Variants in MBOAT4 observed in about 807,000 individuals in gnomAD.
The protein encoded by MBOAT4 is membrane-bound ghrelin O-acyltransferase MBOAT4.
Under a neutral mutation model 13.2 loss-of-function variants are expected in MBOAT4, and 11 were observed. The ratio of observed to expected loss-of-function variants is 0.84; its 90% CI spans 0.53 to 1.38. MBOAT4 has a LOEUF of 1.38. Ranked by LOEUF, MBOAT4 falls within the 40% of genes most tolerant of loss-of-function variation. The pLI is 0.00. For missense variants in MBOAT4, 481 were observed against 527.2 expected (o/e 0.91, Z 0.86); for synonymous variants, 202 against 210.3 (o/e 0.96, Z 0.34).
At position 30,131,800 on chromosome 8, in the gene MBOAT4, ACTG is replaced by A; in HGVS notation, c.*140_*142del. On this transcript the variant is annotated 3_prime_UTR_variant, in exon 3 of 3. Transcript: ENST00000320542. ...TGCTAAAGTAGATACACAAATTCCT[ACTG>A]CAAGTCACTGGGTATATCCATCCAA... is the stretch of plus-strand genomic sequence containing the variant. The A allele has an allele frequency of 1.1e-6, 1 of 924,900 alleles. No homozygotes were observed. Among genetic ancestry groups the A allele is most frequent in the South Asian group, 1.8e-5 (1 of 54,488 alleles). The allele number at this position is 924,900 out of a possible 1,614,324, so 57.3% of individuals were successfully genotyped here. A position where few individuals can be genotyped will look rare whatever the true frequency, so the allele number is the denominator to read the frequency against.
intron 2 of MBOAT4, among the ~76,000 whole-genome samples, chr8:30,135,536 T>C (rs1174371381): frequency 2.0e-5 from 3 of 152,130 alleles, no homozygotes; most frequent in Non-Finnish European, 4.4e-5. Flanking sequence ...CAATTTGAAA[T>C]ATGGCCTTAA....
chr8:30,143,457 G>C (rs912221253), intron 1 of MBOAT4, among the ~76,000 whole-genome samples: 5 of 151,560 alleles, frequency 3.3e-5, no homozygotes, highest in African/African-American at 1.2e-4. Context: ...AGAAAATCAT[G>C]TAGCCATGTT....
At chr8:30,136,726 C>G (rs1376055750) in intron 2 of MBOAT4, among the ~76,000 whole-genome samples, 3 of 147,696 alleles carry the variant, frequency 2.0e-5, no homozygotes, top group African/African-American at 5.3e-5. Flanking sequence ...TCTCTCCCCC[C>G]GAACTTTTTT....
intron 1 of MBOAT4, among the ~76,000 whole-genome samples, chr8:30,141,003 AATTTTTTTAAT>A (rs1803252257): frequency 6.6e-6 from 1 of 151,906 alleles, no homozygotes; most frequent in African/African-American, 2.4e-5. Flanking sequence ...ATACCTGGCT[AATTTTTTTAAT>A]ATTTTTTGTA....
At position 30,137,531 on chromosome 8, in the gene MBOAT4, C is replaced by T. The variant is rs1233210125; in HGVS notation, c.344+1001G>A. On this transcript the variant is annotated intron_variant, in intron 2 of 2. Coordinates refer to ENST00000320542, the MANE Select transcript of MBOAT4 (RefSeq NM_001100916.2). ...CTACTGCTCAGTGCCAGACACTGCA[C>T]CATGTAGGCAACACGTGGCAGTGAT... is the stretch of plus-strand genomic sequence containing the variant. 2.1e-6 allele frequency: 3 copies of T among 1,452,136 alleles called. No homozygotes were observed. In the Admixed American group the frequency reaches 6.0e-5, roughly 29 times the overall value. The allele number at this position is 1,452,136 out of a possible 1,614,324, so 90.0% of individuals were successfully genotyped here. A position where few individuals can be genotyped will look rare whatever the true frequency, so the allele number is the denominator to read the frequency against.
intron 2 of MBOAT4, chr8:30,137,275 G>C (rs1241089093): frequency 1.3e-6 from 2 of 1,551,226 alleles, no homozygotes; most frequent in South Asian, 2.4e-5. Context: ...TTTCTAGATG[G>C]GGCGCCTACC....
chr8:30,137,295 C>G (rs1803169165), intron 2 of MBOAT4: 1 of 1,551,602 alleles, frequency 6.4e-7, no homozygotes, highest in East Asian at 2.4e-5. Context: ...CCTTCTTCAG[C>G]AAGATGGGAA....
intron 2 of MBOAT4, among the ~76,000 whole-genome samples, chr8:30,133,134 C>G (rs1387082793): frequency 6.6e-6 from 1 of 152,082 alleles, no homozygotes; most frequent in Non-Finnish European, 1.5e-5. Flanking sequence ...CCAGGCTGAT[C>G]TGAAACTCCT....
intron 1 of MBOAT4, among the ~76,000 whole-genome samples, chr8:30,139,362 G>A (rs1288258062): frequency 6.6e-6 from 1 of 151,938 alleles, no homozygotes; most frequent in African/African-American, 2.4e-5. Flanking sequence ...GACCGTCCTG[G>A]AAGTCTGGCT....
chr8:30,143,726 GC>G (rs1803302442), intron 1 of MBOAT4, among the ~76,000 whole-genome samples: 1 of 151,930 alleles, frequency 6.6e-6, no homozygotes, highest in African/African-American at 2.4e-5. Context: ...TCATATAAAG[GC>G]ACTTTAAAAA....
Position 30,138,389 on chromosome 8 carries a change from A to C in MBOAT4, c.344+143T>G, listed in dbSNP as rs145134553. 2.5e-3 allele frequency: 1,534 copies of C among 613,262 alleles called. 20 individuals are homozygous for C. The African/African-American group carries it at 0.026, about 10-fold the overall frequency. The allele number at this position is 613,262 out of a possible 1,614,324, so 38.0% of individuals were successfully genotyped here. ...CCAGAAAAAGAAATGAGTCTGAAAG[A>C]GGTAAAATGACTTGCTCAAGGTCAC... On this transcript the variant is annotated intron_variant, in intron 2 of 2. Coordinates refer to ENST00000320542, the MANE Select transcript of MBOAT4 (RefSeq NM_001100916.2).
chr8:30,140,891 G>A (rs943212158), intron 1 of MBOAT4, among the ~76,000 whole-genome samples: 19 of 152,020 alleles, frequency 1.2e-4, no homozygotes, highest in African/African-American at 4.6e-4. Context: ...AGGCTGGAGT[G>A]CAGTGGCACG....
chr8:30,139,191 G>A (rs115180761), intron 1 of MBOAT4, among the ~76,000 whole-genome samples: 2,565 of 151,710 alleles, frequency 0.017, 87 homozygotes, highest in African/African-American at 0.059. Context: ...GGCCTCAAGC[G>A]ATCCTCCTCC....
Position 30,144,646 on chromosome 8 carries a change from T to G in MBOAT4, c.-45A>C, listed in dbSNP as rs1803320200. 7.9e-7 allele frequency: 1 copy of G among 1,273,674 alleles called. No individual in the cohort carries two copies. Among genetic ancestry groups the G allele is most frequent in the Admixed American group, 2.2e-5 (1 of 44,534 alleles). 78.9% of individuals were successfully genotyped at this position (1,273,674 alleles called of 1,614,324 possible). On this transcript the variant is annotated 5_prime_UTR_variant, in exon 1 of 3. Transcript: ENST00000320542. ...GCCTGTCTTTTCCAGTGTCCTTAAC[T>G]GATGCCTTCCTCCAAGAGTAATCTC...
At chr8:30,133,181 T>G in intron 2 of MBOAT4, among the ~76,000 whole-genome samples, 1 of 152,086 alleles carries the variant, frequency 6.6e-6, no homozygotes, top group East Asian at 1.9e-4. Flanking sequence ...CCTCCCAGAG[T>G]GCTGGGATTA....
At chr8:30,140,069 G>T (rs1352438850) in intron 1 of MBOAT4, among the ~76,000 whole-genome samples, 1 of 152,072 alleles carries the variant, frequency 6.6e-6, no homozygotes, top group Non-Finnish European at 1.5e-5. Context: ...ACAGAGTCTC[G>T]CTCTGTTGCC....
intron 2 of MBOAT4, among the ~76,000 whole-genome samples, chr8:30,134,158 C>T (rs1803088905): frequency 6.6e-6 from 1 of 152,066 alleles, no homozygotes; most frequent in Non-Finnish European, 1.5e-5. Flanking sequence ...GGTGTGGTGG[C>T]TCACGCCTGT....
At chr8:30,143,667 T>C (rs73240400) in intron 1 of MBOAT4, among the ~76,000 whole-genome samples, 3,417 of 152,308 alleles carry the variant, frequency 0.022, 45 homozygotes, top group Non-Finnish European at 0.033. Flanking sequence ...AATTATCATA[T>C]AGCTAATCTA....
At chr8:30,140,379 C>A (rs980751597) in intron 1 of MBOAT4, among the ~76,000 whole-genome samples, 1 of 152,070 alleles carries the variant, frequency 6.6e-6, no homozygotes, top group African/African-American at 2.4e-5. Context: ...TAAGCCATCG[C>A]GCCCGGCCAC....
Sources: allele counts gnomAD v4.1 joint callset (sites outside exome capture counted in the v4.1 genomes callset), GRCh38; gene constraint gnomAD v4.1.1; transcripts MANE v1.5; gene names NCBI Gene and HGNC (gene_info 2026-07-23, HGNC 2026-07-21).